The following LRP1B variants were observed in gnomAD, a reference collection of about 807,000 sequenced individuals.
LRP1B encodes the protein LDL receptor related protein 1B.
LRP1B carries 217 observed loss-of-function variants against 556.6 expected under a neutral mutation model. The ratio of observed to expected loss-of-function variants is 0.39; its 90% CI spans 0.35 to 0.44. The LOEUF is 0.44. LRP1B is among the 20% of genes least tolerant of loss of function. The pLI is 1.00. For missense variants in LRP1B, 5,053 were observed against 5,620.8 expected, an observed-to-expected ratio of 0.90 and a Z score of 3.23; for synonymous variants, 2,047 against 1,865.8, an observed-to-expected ratio of 1.10 and a Z score of -2.50.
At chr2:140,732,179 C>CT (rs1003912238) in intron 35 of LRP1B, among the ~76,000 whole-genome samples, 20 of 146,128 alleles carry the variant, frequency 1.4e-4, no homozygotes, top group South Asian at 6.5e-4. Flanking sequence ...CTTCTCTCTA[C>CT]TTTTTTTTTT....
chr2:140,774,698 A>G (rs1371827220), intron 33 of LRP1B, among the ~76,000 whole-genome samples: 2 of 152,076 alleles, frequency 1.3e-5, no homozygotes. Context: ...AAATCAGAAA[A>G]TGTTTCAATG....
chr2:142,117,593 T>G (rs1707317785), intron 1 of LRP1B, among the ~76,000 whole-genome samples: 1 of 151,676 alleles, frequency 6.6e-6, no homozygotes, highest in Non-Finnish European at 1.5e-5. Flanking sequence ...CACAATGGAT[T>G]TTTATTTGTG....
intron 83 of LRP1B, among the ~76,000 whole-genome samples, chr2:140,304,204 T>C (rs1683964943): frequency 6.6e-6 from 1 of 152,194 alleles, no homozygotes; most frequent in African/African-American, 2.4e-5. Context: ...CAAATGGTAT[T>C]TTTAGTTATA....
intron 18 of LRP1B, among the ~76,000 whole-genome samples, chr2:140,969,404 T>C (rs1286278988): frequency 6.6e-6 from 1 of 152,150 alleles, no homozygotes; most frequent in Non-Finnish European, 1.5e-5. Context: ...ATCCCTTTAT[T>C]TTGAGCCTAT....
intron 3 of LRP1B, among the ~76,000 whole-genome samples, chr2:141,477,195 A>C (rs1254757084): frequency 6.6e-6 from 1 of 151,936 alleles, no homozygotes; most frequent in Non-Finnish European, 1.5e-5. Flanking sequence ...TTTTTTAATC[A>C]TATCTTAGGC....
intron 3 of LRP1B, among the ~76,000 whole-genome samples, chr2:141,365,210 G>A (rs1688972159): frequency 6.6e-6 from 1 of 151,314 alleles, no homozygotes; most frequent in East Asian, 1.9e-4. Flanking sequence ...AAATTATGAT[G>A]CATCTTTTTT....
intron 66 of LRP1B, among the ~76,000 whole-genome samples, chr2:140,404,440 G>A (rs35940534): frequency 6.6e-6 from 1 of 151,776 alleles, no homozygotes; most frequent in Non-Finnish European, 1.5e-5. Flanking sequence ...CCAATGTGCT[G>A]GGATTGCAGG....
intron 49 of LRP1B, among the ~76,000 whole-genome samples, chr2:140,518,618 G>T (rs145166160): frequency 2.6e-5 from 4 of 152,260 alleles, no homozygotes; most frequent in African/African-American, 9.6e-5. Context: ...TAGAGCAGTG[G>T]TTTGTAGTTC....
chr2:142,037,707 C>T (rs972296044), intron 1 of LRP1B, among the ~76,000 whole-genome samples: 4 of 151,572 alleles, frequency 2.6e-5, no homozygotes, highest in Admixed American at 2.0e-4. Context: ...TGCTTATTCT[C>T]TTTAGGTCTC....
intron 3 of LRP1B, among the ~76,000 whole-genome samples, chr2:141,283,773 T>G (rs191260864): frequency 1.9e-4 from 29 of 151,804 alleles, no homozygotes; most frequent in African/African-American, 7.0e-4. Flanking sequence ...TTTTTGTATT[T>G]TTAGTAGAGA....
At chr2:140,610,081 T>C (rs1683015175) in intron 41 of LRP1B, among the ~76,000 whole-genome samples, 1 of 151,988 alleles carries the variant, frequency 6.6e-6, no homozygotes, top group Admixed American at 6.6e-5. Context: ...TAATATTCTC[T>C]GCCTTTTTCT....
chr2:141,114,701 G>C (rs555892548), intron 7 of LRP1B, among the ~76,000 whole-genome samples: 1 of 152,062 alleles, frequency 6.6e-6, no homozygotes, highest in Non-Finnish European at 1.5e-5. Context: ...CCCATTTAGG[G>C]CCATGGGTTT....
At chr2:141,147,228 C>A (rs1465293749) in intron 7 of LRP1B, among the ~76,000 whole-genome samples, 1 of 152,248 alleles carries the variant, frequency 6.6e-6, no homozygotes, top group South Asian at 2.1e-4. Context: ...GCAAGGGCTT[C>A]CTGTGGTTTC....
At chr2:141,801,597 T>C (rs1289830171) in intron 2 of LRP1B, among the ~76,000 whole-genome samples, 2 of 152,186 alleles carry the variant, frequency 1.3e-5, no homozygotes, top group Non-Finnish European at 2.9e-5. Context: ...TATCAATACT[T>C]GAAAAAGACA....
At chr2:141,472,730 T>A (rs1298901581) in intron 3 of LRP1B, among the ~76,000 whole-genome samples, 1 of 152,196 alleles carries the variant, frequency 6.6e-6, no homozygotes, top group Non-Finnish European at 1.5e-5. Flanking sequence ...TCTGAAATGA[T>A]GTTTTAATGA....
At chr2:140,504,192 T>G (rs1434775600) in intron 53 of LRP1B, among the ~76,000 whole-genome samples, 1 of 152,180 alleles carries the variant, frequency 6.6e-6, no homozygotes, top group African/African-American at 2.4e-5. Flanking sequence ...CTCTATCTTC[T>G]GAAACTCCTC....
intron 3 of LRP1B, among the ~76,000 whole-genome samples, chr2:141,421,701 T>C (rs1201766870): frequency 1.3e-5 from 2 of 152,200 alleles, no homozygotes; most frequent in Non-Finnish European, 2.9e-5. Context: ...CTTCTTGTCA[T>C]TGATTCTAAG....
intron 66 of LRP1B, among the ~76,000 whole-genome samples, chr2:140,391,906 G>A (rs909289739): frequency 1.3e-5 from 2 of 152,058 alleles, no homozygotes; most frequent in African/African-American, 2.4e-5. Flanking sequence ...AAGTTTTAAA[G>A]TATTCTCAAG....
chr2:140,885,175 T>C (rs1693597341), intron 24 of LRP1B, among the ~76,000 whole-genome samples: 1 of 152,286 alleles, frequency 6.6e-6, no homozygotes, highest in African/African-American at 2.4e-5. Flanking sequence ...TTTAAATCAG[T>C]ATATGACATA....
Sources: allele counts gnomAD v4.1 joint callset (sites outside exome capture counted in the v4.1 genomes callset), GRCh38; gene constraint gnomAD v4.1.1; transcripts MANE v1.5; gene names NCBI Gene and HGNC (gene_info 2026-07-23, HGNC 2026-07-21).